GAK: variants seen among roughly 807,000 people sequenced by gnomAD.
GAK encodes cyclin-G-associated kinase.
In GAK, 79 loss-of-function variants were observed where a neutral mutation model predicts 143.9. That is an observed-to-expected ratio of 0.55 (90% CI 0.46 to 0.66). The LOEUF (loss-of-function observed/expected upper bound fraction) is 0.66, where lower values mean the gene tolerates loss of function less well. GAK is among the 30% of genes least tolerant of loss of function. The pLI, the probability that GAK is intolerant of heterozygous loss-of-function variation, is 0.00. For synonymous variants in GAK, 881 were observed against 765.5 expected (o/e 1.15, Z -2.49); for missense variants, 1,693 against 1,779.7 (o/e 0.95, Z 0.88).
chr4:860,101 G>C (rs1174019700), intron 23 of GAK, among the ~76,000 whole-genome samples: 1 of 152,044 alleles, frequency 6.6e-6, no homozygotes, highest in Admixed American at 6.6e-5. Flanking sequence ...ATACAGGCTG[G>C]GCAACATAGA....
chr4:926,880 C>T (rs1397138188), intron 1 of GAK, among the ~76,000 whole-genome samples: 23 of 29,688 alleles, frequency 7.7e-4, no homozygotes, highest in South Asian at 2.3e-3. Flanking sequence ...CCGCAACCCC[C>T]CCCACCCCGC....
At position 850,176 on chromosome 4, in the gene GAK, G is replaced by A; in HGVS notation, c.3658-108C>T. On this transcript the variant is annotated intron_variant, in intron 26 of 27. Coordinates refer to ENST00000314167, the MANE Select transcript of GAK (RefSeq NM_005255.4). The stretch of plus-strand genomic sequence containing the variant: ...GAGGAAGTGCCTGGTCACGTGGGGT[G>A]GGCTCAGCCCGGCTCACAGACACTG... The A allele has an allele frequency of 1.3e-5, 15 of 1,147,170 alleles. No individual in the cohort carries two copies. In the South Asian group the frequency reaches 2.4e-4, roughly 18 times the overall value. 71.1% of individuals were successfully genotyped at this position (1,147,170 alleles called of 1,614,324 possible). A position where few individuals can be genotyped will look rare whatever the true frequency, so the allele number is the denominator to read the frequency against.
intron 23 of GAK, among the ~76,000 whole-genome samples, chr4:860,515 C>A (rs1218187557): frequency 6.6e-6 from 1 of 152,134 alleles, no homozygotes; most frequent in Admixed American, 6.5e-5. Flanking sequence ...AAGAAATACA[C>A]GTAACCAAAA....
At chr4:922,162 T>C (rs184076118) in intron 1 of GAK, among the ~76,000 whole-genome samples, 6 of 152,226 alleles carry the variant, frequency 3.9e-5, no homozygotes, top group African/African-American at 1.4e-4. Flanking sequence ...CCTAATCCAA[T>C]AGGACTGGTG....
In GAK at chr4:865,148, G is replaced by A. The variant is rs1465697844; in HGVS notation, c.3140C>T (p.Ala1047Val). The A allele has an allele frequency of 1.2e-6, 2 of 1,610,822 alleles. No homozygotes were observed. The highest frequency in any genetic ancestry group is 4.5e-5 in the East Asian group (2 of 44,804). ...TTCTGTGGCTGGCGTGGGGGCCACTGCCGATGCTGCAGTCTCGGTCCAGGC... is the reference window on the plus strand; with the variant it reads ...TTCTGTGGCTGGCGTGGGGGCCACTACCGATGCTGCAGTCTCGGTCCAGGC... ...WAAWTETAAS[A>V]VAPTPATEGP... is the part of the protein sequence containing the mutation. The change falls in exon 23 of 28, where the codon GCA becomes GTA. Residue 1047 changes from alanine to valine, a missense_variant. Coordinates refer to ENST00000314167, the MANE Select transcript of GAK (RefSeq NM_005255.4).
intron 4 of GAK, among the ~76,000 whole-genome samples, chr4:905,518 C>T (rs918026334): frequency 3.8e-4 from 57 of 150,332 alleles, no homozygotes; most frequent in African/African-American, 1.1e-3. Flanking sequence ...CTACGGACTC[C>T]GCCACGCCCC....
intron 3 of GAK, 167 bp from the exon 4 acceptor site, chr4:911,954 G>A (rs950457157): frequency 2.0e-5 from 11 of 558,418 alleles, no homozygotes; most frequent in African/African-American, 7.6e-5. Context: ...GTGGACGACC[G>A]AGAGAAAGGC....
intron 18 of GAK, 59 bp from the exon 19 acceptor site, chr4:870,963 G>A (rs1333444330): frequency 7.0e-7 from 1 of 1,428,888 alleles, no homozygotes; most frequent in African/African-American, 1.4e-5. Flanking sequence ...TAAGTCCTTG[G>A]ACATTCACTA....
At chr4:906,659 A>G (rs1721137410) in intron 4 of GAK, among the ~76,000 whole-genome samples, 2 of 151,956 alleles carry the variant, frequency 1.3e-5, no homozygotes. Flanking sequence ...CTTGTGCCCC[A>G]TCTTTTCAGC....
rs368720481 is a variant in GAK at position 900,226 on chromosome 4, T to C, written c.526-2068A>G. Among the ~76,000 whole-genome samples, 140 of 151,574 alleles carry C rather than the reference T, an allele frequency of 9.2e-4. 1 individual carries two copies. The highest frequency in any genetic ancestry group is 3.2e-3 in the African/African-American group (134 of 41,298). On this transcript the variant is annotated intron_variant, in intron 5 of 27. Transcript: ENST00000314167. ...GTGGGGCCACCTGTGCCCGTTCCCATTCTACAGCCAACAGAGACGAAGCTG... is the reference window on the plus strand; with the variant it reads ...GTGGGGCCACCTGTGCCCGTTCCCACTCTACAGCCAACAGAGACGAAGCTG...
At chr4:912,154 G>C (rs770580631) in intron 3 of GAK, 4 of 459,670 alleles carry the variant, frequency 8.7e-6, no homozygotes, top group African/African-American at 6.0e-5. Flanking sequence ...GGCAGCCGGC[G>C]GGCTCTCCGA....
At chr4:917,168 ACAGT>A (rs769021764) in intron 1 of GAK, among the ~76,000 whole-genome samples, 2 of 152,382 alleles carry the variant, frequency 1.3e-5, no homozygotes, top group Admixed American at 6.5e-5. Flanking sequence ...ATACACACAT[ACAGT>A]CAGTGTACAG....
In GAK at chr4:865,259, C is replaced by T. The variant is rs1217672612; in HGVS notation, c.3044-15G>A. ...TGGCAGATCCCCTGGGAAGAAGGAACCAGAAGAGAGCACAGTTTGGTGTCT... is the reference window on the plus strand; with the variant it reads ...TGGCAGATCCCCTGGGAAGAAGGAATCAGAAGAGAGCACAGTTTGGTGTCT... On this transcript the variant is annotated splice_polypyrimidine_tract_variant and intron_variant, in intron 22 of 27. Coordinates refer to ENST00000314167, the MANE Select transcript of GAK (RefSeq NM_005255.4). The T allele has an allele frequency of 1.2e-6, 2 of 1,612,952 alleles. No homozygotes were observed. Among genetic ancestry groups the T allele is most frequent in the East Asian group, 2.2e-5 (1 of 44,844 alleles).
At chr4:851,264 A>G in intron 25 of GAK, 180 bp from the exon 26 acceptor site, 1 of 513,242 alleles carries the variant, frequency 1.9e-6, no homozygotes, top group Non-Finnish European at 3.5e-6. Flanking sequence ...TGCCTGGCTA[A>G]TTTTTACATT....
rs147271443 is a variant in GAK, at chr4:912,774, C to T, written c.228G>A (p.Glu76=). 1,403 of 1,613,760 alleles carry T rather than the reference C, an allele frequency of 8.7e-4. 1 individual carries two copies. The highest frequency in any genetic ancestry group is 1.0e-3 in the Non-Finnish European group (1,217 of 1,179,776). Residue 76 remains glutamate, a synonymous_variant, in exon 3 of 28, where the codon GAG becomes GAA. Transcript: ENST00000314167. ...YALKRLLSNE[E]EKNRAIIQEV... ...CTTGAATGATGGCTCTGTTCTTTTC[C>T]TCTTCATTGGATAATAGCCTCTGTA...
rs976224757 is a variant in GAK at position 912,591 on chromosome 4, G to T, written c.267+144C>A. The T allele has an allele frequency of 1.7e-5, 10 of 599,786 alleles. No individual in the cohort carries two copies. The Admixed American group carries it at 2.9e-4, about 18-fold the overall frequency. The allele number at this position is 599,786 out of a possible 1,614,324, so 37.2% of individuals were successfully genotyped here. Reference sequence around the variant, plus strand: ...TCTTCCTAGAAGTCGCCTACAACTAGGTTTGGTAAAAGCAAAAAGCCGATT... The same window carrying T: ...TCTTCCTAGAAGTCGCCTACAACTATGTTTGGTAAAAGCAAAAAGCCGATT... On this transcript the variant is annotated intron_variant, in intron 3 of 27. Transcript: ENST00000314167.
At chr4:909,520 G>A (rs1447212095) in intron 4 of GAK, among the ~76,000 whole-genome samples, 1 of 152,182 alleles carries the variant, frequency 6.6e-6, no homozygotes. Flanking sequence ...GAGGGGCCGG[G>A]AGCGGCGTGT....
intron 5 of GAK, among the ~76,000 whole-genome samples, chr4:901,364 G>C (rs1013724125): frequency 1.3e-5 from 2 of 150,950 alleles, no homozygotes; most frequent in Non-Finnish European, 2.9e-5. Context: ...GAGAGCCACG[G>C]CCTTGGGCCT....
At chr4:854,104 C>G (rs1262311309) in intron 24 of GAK, among the ~76,000 whole-genome samples, 1 of 151,270 alleles carries the variant, frequency 6.6e-6, no homozygotes, top group Admixed American at 6.6e-5. Flanking sequence ...GGCCGTCTCT[C>G]GCCCATTTTC....
Sources: gnomAD v4.1 joint callset for allele counts (sites outside exome capture counted in the v4.1 genomes callset) on GRCh38, gnomAD v4.1.1 for gene constraint, MANE v1.5 for transcripts, NCBI Gene and HGNC (gene_info 2026-07-23, HGNC 2026-07-21) for gene names.